The following PAH variants were observed in gnomAD, a reference collection of about 807,000 sequenced individuals.
PAH encodes phenylalanine-4-hydroxylase.
In PAH, 64 loss-of-function variants were observed where a neutral mutation model predicts 62.0. That is an observed-to-expected ratio of 1.03 (90% CI 0.84 to 1.27). The LOEUF (loss-of-function observed/expected upper bound fraction) is 1.27. Ranked by LOEUF, PAH falls within the 50% of genes most tolerant of loss-of-function variation. The probability of loss-of-function intolerance (pLI) is 0.00; values close to 1 mark genes in which losing one functional copy is unlikely to be tolerated. For synonymous variants in PAH, 195 were observed against 196.2 expected, an observed-to-expected ratio of 0.99 and a Z score of 0.05; for missense variants, 579 against 542.8, an observed-to-expected ratio of 1.07 and a Z score of -0.66.
At chr12:102,904,698 G>C (rs750821767) in intron 2 of PAH, 3 of 469,680 alleles carry the variant, frequency 6.4e-6, no homozygotes, top group South Asian at 4.7e-5. Flanking sequence ...CATTTTATAG[G>C]GTCCAGAAAT....
At chr12:102,856,568 C>G (rs1326606833) in intron 5 of PAH, among the ~76,000 whole-genome samples, 1 of 152,224 alleles carries the variant, frequency 6.6e-6, no homozygotes, top group African/African-American at 2.4e-5. Flanking sequence ...AGTAGCCTAA[C>G]TGGGAGGCAC....
At chr12:102,864,056 A>G (rs1401511475) in intron 5 of PAH, among the ~76,000 whole-genome samples, 1 of 152,186 alleles carries the variant, frequency 6.6e-6, no homozygotes, top group African/African-American at 2.4e-5. Context: ...GTGACAAAAC[A>G]GTCAATTACC....
chr12:102,854,268 C>A (rs1282894662), intron 6 of PAH, among the ~76,000 whole-genome samples: 1 of 152,180 alleles, frequency 6.6e-6, no homozygotes, highest in Non-Finnish European at 1.5e-5. Context: ...CTCATTGCCC[C>A]CACAGTGGCC....
intron 5 of PAH, 130 bp from the exon 6 acceptor site, chr12:102,855,462 A>G (rs1875383777): frequency 2.8e-6 from 2 of 702,664 alleles, no homozygotes; most frequent in South Asian, 1.6e-5. Flanking sequence ...AATTTCATAC[A>G]TTATTTGAAA....
At chr12:102,896,029 A>T (rs1300180928) in intron 2 of PAH, among the ~76,000 whole-genome samples, 1 of 152,086 alleles carries the variant, frequency 6.6e-6, no homozygotes, top group Non-Finnish European at 1.5e-5. Flanking sequence ...TAAAGCTTAC[A>T]TTCAAGTTGA....
chr12:102,868,077 T>TATATAC (rs1422285473), intron 4 of PAH, among the ~76,000 whole-genome samples: 1 of 78,114 alleles, frequency 1.3e-5, no homozygotes, highest in African/African-American at 5.8e-5. Context: ...TATATACATA[T>TATATAC]ATGTGTGTGT....
chr12:102,846,780 A>G lies in PAH; in HGVS notation c.969+115T>C, dbSNP rs931033414. 4.9e-6 allele frequency: 4 copies of G among 817,864 alleles called. No homozygotes were observed. The African/African-American group carries it at 6.8e-5, about 14-fold the overall frequency. 50.7% of individuals were successfully genotyped at this position (817,864 alleles called of 1,614,324 possible). ...CACTTGTGCAAATGTAACCCACCAC[A>G]TTCTGATTTTTTTCCCCAGATAACC... On this transcript the variant is annotated intron_variant, in intron 9 of 12. Coordinates refer to ENST00000553106, the MANE Select transcript of PAH (RefSeq NM_000277.3).
At chr12:102,853,786 T>A (rs937476) in intron 6 of PAH, among the ~76,000 whole-genome samples, 62,672 of 152,036 alleles carry the variant, frequency 0.41, 13,357 homozygotes, top group African/African-American at 0.44. Context: ...AACACTATAT[T>A]TGACCTACTG....
intron 1 of PAH, among the ~76,000 whole-genome samples, chr12:102,934,328 C>T (rs1268643642): frequency 1.3e-5 from 2 of 152,048 alleles, no homozygotes; most frequent in Non-Finnish European, 1.5e-5. Context: ...GTTACTATAG[C>T]TCTGTATTAT....
chr12:102,871,961 T>A (rs1207955132), intron 4 of PAH, among the ~76,000 whole-genome samples: 6 of 51,150 alleles, frequency 1.2e-4, no homozygotes, highest in African/African-American at 1.6e-4. Context: ...TATATATATA[T>A]ATATATATAT....
chr12:102,935,038 T>C (rs577179774), intron 1 of PAH, among the ~76,000 whole-genome samples: 19 of 152,130 alleles, frequency 1.2e-4, no homozygotes, highest in Non-Finnish European at 2.8e-4. Flanking sequence ...GGGTCTGTCA[T>C]ATATGGCTTT....
chr12:102,913,878 G>A (rs1468809214), intron 1 of PAH: 5 of 700,270 alleles, frequency 7.1e-6, no homozygotes, highest in African/African-American at 1.8e-5. Context: ...AGCCTAAGTC[G>A]AAAAATAATA....
intron 5 of PAH, among the ~76,000 whole-genome samples, chr12:102,858,255 C>T (rs1232131456): frequency 2.0e-5 from 3 of 152,158 alleles, no homozygotes; most frequent in Non-Finnish European, 4.4e-5. Context: ...GTAAAGGGAT[C>T]AATTCAACAA....
chr12:102,877,841 C>G (rs937406267), intron 3 of PAH, among the ~76,000 whole-genome samples: 4 of 152,170 alleles, frequency 2.6e-5, no homozygotes. Flanking sequence ...TCTTTAGCAG[C>G]AGAATTTTTT....
intron 3 of PAH, among the ~76,000 whole-genome samples, chr12:102,879,446 A>G (rs1463197689): frequency 1.3e-5 from 2 of 151,722 alleles, no homozygotes. Context: ...CCTCAGGAGG[A>G]GCAGCAGCTG....
At chr12:102,923,226 T>A (rs1178574520) in intron 1 of PAH, among the ~76,000 whole-genome samples, 1 of 152,210 alleles carries the variant, frequency 6.6e-6, no homozygotes, top group East Asian at 1.9e-4. Context: ...TTGTGGATGA[T>A]AATGCCTGCG....
At chr12:102,865,608 T>A (rs1362617877) in intron 5 of PAH, among the ~76,000 whole-genome samples, 1 of 152,140 alleles carries the variant, frequency 6.6e-6, no homozygotes, top group Non-Finnish European at 1.5e-5. Context: ...GGGGCAAAGG[T>A]GGAGTCAGGA....
chr12:102,907,778 C>T (rs2136720695), intron 2 of PAH, among the ~76,000 whole-genome samples: 1 of 152,010 alleles, frequency 6.6e-6, no homozygotes, highest in Admixed American at 6.6e-5. Context: ...GCCATCACGC[C>T]CAGATAATTT....
intron 1 of PAH, among the ~76,000 whole-genome samples, chr12:102,930,837 C>T (rs1228767115): frequency 6.6e-6 from 1 of 152,150 alleles, no homozygotes; most frequent in Non-Finnish European, 1.5e-5. Context: ...TATGAGAATT[C>T]CTGTTTGTAA....
Sources: allele counts gnomAD v4.1 joint callset (sites outside exome capture counted in the v4.1 genomes callset), GRCh38; gene constraint gnomAD v4.1.1; transcripts MANE v1.5; gene names NCBI Gene and HGNC (gene_info 2026-07-23, HGNC 2026-07-21).